CATSPERT: variants seen among roughly 807,000 people sequenced by gnomAD.
CATSPERT encodes catsper channel auxiliary subunit tau.
the CATSPERT span, chr2:201,491,786 C>A: frequency 6.5e-7 from 1 of 1,537,054 alleles, no homozygotes; most frequent in African/African-American, 1.4e-5. Flanking sequence ...AGTGTCTTTT[C>A]ACACCAAGCT....
At chr2:201,528,713 T>C in the CATSPERT span, among the ~76,000 whole-genome samples, 1 of 152,126 alleles carries the variant, frequency 6.6e-6, no homozygotes, top group East Asian at 1.9e-4. Context: ...AAACATTGAA[T>C]ACACATGGAC....
the CATSPERT span, among the ~76,000 whole-genome samples, chr2:201,506,567 T>C: frequency 6.6e-6 from 1 of 152,164 alleles, no homozygotes; most frequent in African/African-American, 2.4e-5. Flanking sequence ...TTTTGTTTTG[T>C]TTTTGAGACG....
the CATSPERT span, among the ~76,000 whole-genome samples, chr2:201,542,680 T>C: frequency 6.6e-6 from 1 of 152,224 alleles, no homozygotes; most frequent in Non-Finnish European, 1.5e-5. Flanking sequence ...TGTATTCAAG[T>C]GCTCAGTCCA....
At chr2:201,518,628 C>G in the CATSPERT span, among the ~76,000 whole-genome samples, 1 of 152,128 alleles carries the variant, frequency 6.6e-6, no homozygotes. Context: ...GACAGAGTAC[C>G]AAGAGTCAGC....
chr2:201,528,779 T>A, the CATSPERT span, among the ~76,000 whole-genome samples: 1 of 151,752 alleles, frequency 6.6e-6, no homozygotes, highest in East Asian at 1.9e-4. Context: ...AGAAGGAGGG[T>A]GAGTATCGAA....
chr2:201,538,332 T>C, the CATSPERT span, among the ~76,000 whole-genome samples: 7 of 152,106 alleles, frequency 4.6e-5, no homozygotes, highest in East Asian at 9.6e-4. Context: ...TTGTCACATA[T>C]GGCAGGATTT....
At chr2:201,561,796 C>T in the CATSPERT span, among the ~76,000 whole-genome samples, 4 of 151,760 alleles carry the variant, frequency 2.6e-5, no homozygotes, top group Non-Finnish European at 5.9e-5. Flanking sequence ...ATCTCTTGAA[C>T]TCGGGAGGCA....
the CATSPERT span, among the ~76,000 whole-genome samples, chr2:201,595,456 G>A: frequency 5.9e-5 from 9 of 152,204 alleles, no homozygotes; most frequent in African/African-American, 1.9e-4. Flanking sequence ...CCAAAGTGCT[G>A]GGATTACAGG....
chr2:201,537,569 TC>T, the CATSPERT span: 1 of 1,083,756 alleles, frequency 9.2e-7, no homozygotes, highest in Non-Finnish European at 1.3e-6. Context: ...TTACATTTTT[TC>T]TCACTAAAAA....
the CATSPERT span, chr2:201,493,031 T>C: frequency 6.5e-7 from 1 of 1,536,610 alleles, no homozygotes; most frequent in Non-Finnish European, 8.7e-7. Flanking sequence ...GTGTCACTTG[T>C]AAAAGAAGGT....
At chr2:201,588,676 C>T in the CATSPERT span, among the ~76,000 whole-genome samples, 1 of 148,620 alleles carries the variant, frequency 6.7e-6, no homozygotes, top group African/African-American at 2.4e-5. Context: ...CAAACCAATT[C>T]CCTATTCCCC....
At chr2:201,528,417 AC>A in the CATSPERT span, among the ~76,000 whole-genome samples, 4 of 152,166 alleles carry the variant, frequency 2.6e-5, no homozygotes, top group Non-Finnish European at 5.9e-5. Context: ...CTGGGTATAT[AC>A]CCAAGGAATA....
the CATSPERT span, among the ~76,000 whole-genome samples, chr2:201,591,203 G>A: frequency 6.6e-6 from 1 of 151,986 alleles, no homozygotes; most frequent in Non-Finnish European, 1.5e-5. Context: ...TTCTACATAT[G>A]GCTAGCCAGT....
chr2:201,543,461 A>T, the CATSPERT span, among the ~76,000 whole-genome samples: 1 of 152,188 alleles, frequency 6.6e-6, no homozygotes, highest in Non-Finnish European at 1.5e-5. Flanking sequence ...TTTTCAGAGT[A>T]TTAAATCTTC....
chr2:201,501,483 T>C, the CATSPERT span, among the ~76,000 whole-genome samples: 2 of 147,812 alleles, frequency 1.4e-5, no homozygotes, highest in African/African-American at 5.0e-5. Context: ...CCTTAATGCA[T>C]ACATTAGAAT....
the CATSPERT span, among the ~76,000 whole-genome samples, chr2:201,515,219 T>G: frequency 4.3e-5 from 2 of 46,548 alleles, no homozygotes; most frequent in African/African-American, 1.6e-4. Context: ...TTTTTTTTTT[T>G]TTTTTTTTTT....
At chr2:201,604,345 T>C in the CATSPERT span, among the ~76,000 whole-genome samples, 14 of 152,302 alleles carry the variant, frequency 9.2e-5, no homozygotes, top group Admixed American at 7.8e-4. Flanking sequence ...TAGCAGATCT[T>C]AGGTGGAGCC....
chr2:201,562,496 A>G, the CATSPERT span, among the ~76,000 whole-genome samples: 3 of 149,292 alleles, frequency 2.0e-5, no homozygotes. Flanking sequence ...CCCTTCTCTA[A>G]TAATTCTTTA....
chr2:201,586,985 C>A, the CATSPERT span, among the ~76,000 whole-genome samples: 10 of 152,094 alleles, frequency 6.6e-5, no homozygotes, highest in African/African-American at 2.4e-4. Context: ...CTCCCTCCCT[C>A]TCTTTCTCCT....
Sources: allele counts gnomAD v4.1 joint callset (sites outside exome capture counted in the v4.1 genomes callset), GRCh38; gene constraint gnomAD v4.1.1; transcripts MANE v1.5; gene names NCBI Gene and HGNC (gene_info 2026-07-23, HGNC 2026-07-21).